Variants in GREM2 observed in about 807,000 individuals in gnomAD.
GREM2 encodes the protein gremlin-2.
GREM2 carries 11 observed loss-of-function variants against 14.2 expected under a neutral mutation model. That is an observed-to-expected ratio of 0.78 (90% CI 0.49 to 1.28). The LOEUF is 1.28. GREM2 is among the 50% of genes most tolerant of loss of function. The probability of loss-of-function intolerance (pLI) is 0.00; values close to 1 mark genes in which losing one functional copy is unlikely to be tolerated. For synonymous variants in GREM2, 98 were observed against 97.6 expected, an observed-to-expected ratio of 1.00 and a Z score of -0.02; for missense variants, 210 against 218.5, an observed-to-expected ratio of 0.96 and a Z score of 0.24.
At chr1:240,604,996 C>A (rs141737533) in intron 1 of GREM2, among the ~76,000 whole-genome samples, 7,249 of 152,270 alleles carry the variant, frequency 0.048, 509 homozygotes, top group African/African-American at 0.15. Flanking sequence ...CCTTTCTCAG[C>A]ATTCCACAAG....
intron 1 of GREM2, among the ~76,000 whole-genome samples, chr1:240,506,050 A>G (rs991841427): frequency 6.6e-6 from 1 of 152,198 alleles, no homozygotes; most frequent in Non-Finnish European, 1.5e-5. Flanking sequence ...TGTCAATTAA[A>G]AAGTGTGAGA....
chr1:240,548,128 AGCCAG>A (rs1678776479), intron 1 of GREM2, among the ~76,000 whole-genome samples: 1 of 149,724 alleles, frequency 6.7e-6, no homozygotes, highest in African/African-American at 2.5e-5. Flanking sequence ...AAAAAAAATT[AGCCAG>A]GCGTGGTGGT....
At chr1:240,562,717 GTGTGTGTGTA>G (rs1679068828) in intron 1 of GREM2, among the ~76,000 whole-genome samples, 1 of 151,892 alleles carries the variant, frequency 6.6e-6, no homozygotes, top group South Asian at 2.1e-4. Context: ...CCGTGTGTGT[GTGTGTGTGTA>G]TGTGTGTATA....
chr1:240,581,016 G>C (rs1359794815), intron 1 of GREM2, among the ~76,000 whole-genome samples: 1 of 152,186 alleles, frequency 6.6e-6, no homozygotes, highest in Non-Finnish European at 1.5e-5. Flanking sequence ...TTGGGAGGCT[G>C]AGGCGGGTAG....
intron 1 of GREM2, among the ~76,000 whole-genome samples, chr1:240,548,694 A>C (rs529301432): frequency 6.6e-6 from 1 of 152,310 alleles, no homozygotes; most frequent in East Asian, 1.9e-4. Flanking sequence ...AGATTTGGGA[A>C]AGGTGTTCTT....
At chr1:240,526,249 C>A (rs1164783957) in intron 1 of GREM2, among the ~76,000 whole-genome samples, 1 of 152,132 alleles carries the variant, frequency 6.6e-6, no homozygotes, top group African/African-American at 2.4e-5. Flanking sequence ...GATTCAGATA[C>A]CCAGGTGGTG....
At chr1:240,562,892 GTGTA>G (rs1377522220) in intron 1 of GREM2, among the ~76,000 whole-genome samples, 4 of 150,738 alleles carry the variant, frequency 2.7e-5, no homozygotes, top group South Asian at 2.1e-4. Context: ...GTGTATGAGT[GTGTA>G]TGTGTGTATG....
intron 1 of GREM2, among the ~76,000 whole-genome samples, chr1:240,538,181 A>T (rs1271021741): frequency 6.6e-6 from 1 of 152,196 alleles, no homozygotes; most frequent in Non-Finnish European, 1.5e-5. Flanking sequence ...CTATAAGCTA[A>T]CCTAAAACGT....
In GREM2 at chr1:240,543,770, T is replaced by C. The variant is rs910218431; in HGVS notation, c.-1-50294A>G. Among the ~76,000 whole-genome samples, 9 of 152,248 alleles carry C rather than the reference T, an allele frequency of 5.9e-5. No individual in the cohort carries two copies. The highest frequency in any genetic ancestry group is 2.2e-4 in the African/African-American group (9 of 41,474). The stretch of plus-strand genomic sequence containing the variant: ...TTTTATAGAAATTACTAAGTAATTA[T>C]ATTTCAAAAGGGATTGATATACAGG... On this transcript the variant is annotated intron_variant, in intron 1 of 1. Coordinates refer to ENST00000318160, the MANE Select transcript of GREM2 (RefSeq NM_022469.4). This position sits in a 1 kb window ranked among gnomAD's most constrained non-coding sequence, Gnocchi z 6.4.
In GREM2 at chr1:240,492,464, C is replaced by T. The variant is rs909290465; in HGVS notation, c.*505G>A. 8 of 193,466 alleles carry T rather than the reference C, an allele frequency of 4.1e-5. No homozygotes were observed. The highest frequency in any genetic ancestry group is 8.9e-5 in the Non-Finnish European group (8 of 89,400). 12.0% of individuals were successfully genotyped at this position (193,466 alleles called of 1,614,324 possible). A position where few individuals can be genotyped will look rare whatever the true frequency, so the allele number is the denominator to read the frequency against. On this transcript the variant is annotated 3_prime_UTR_variant, in exon 2 of 2. Transcript: ENST00000318160. ...TCCTCATCACAGCAGCGACCGAGGGCAGCCTGCCAGTCACAAGAATGAGCG... is the reference window on the plus strand; with the variant it reads ...TCCTCATCACAGCAGCGACCGAGGGTAGCCTGCCAGTCACAAGAATGAGCG...
Position 240,490,472 on chromosome 1 carries a change from T to C in GREM2, c.*2497A>G, listed in dbSNP as rs1444599012. The C allele has an allele frequency of 6.5e-6, 1 of 152,676 alleles. No individual in the cohort carries two copies. The highest frequency in any genetic ancestry group is 2.4e-5 in the African/African-American group (1 of 41,454). 9.5% of individuals were successfully genotyped at this position (152,676 alleles called of 1,614,324 possible). A position where few individuals can be genotyped will look rare whatever the true frequency, so the allele number is the denominator to read the frequency against. On this transcript the variant is annotated 3_prime_UTR_variant, in exon 2 of 2. Coordinates refer to ENST00000318160, the MANE Select transcript of GREM2 (RefSeq NM_022469.4). ...CAACAAGTCAAAAATTCCACTTTTA[T>C]GGCACGTCACACCGGGATCACATAT...
At chr1:240,599,950 T>C (rs976463198) in intron 1 of GREM2, among the ~76,000 whole-genome samples, 4 of 152,230 alleles carry the variant, frequency 2.6e-5, no homozygotes, top group Non-Finnish European at 5.9e-5. Flanking sequence ...GAAATCCTTC[T>C]ATTGCCCCCA....
chr1:240,508,509 A>G (rs1238443849), intron 1 of GREM2, among the ~76,000 whole-genome samples: 1 of 152,202 alleles, frequency 6.6e-6, no homozygotes, highest in Non-Finnish European at 1.5e-5. Context: ...TCCTAGGATC[A>G]GCCTAATTAT....
chr1:240,492,407 G>GT lies in GREM2; in HGVS notation c.*561dup, dbSNP rs1193127630. ...TATCAGGTTTATTAGGAGACGCCCC[G>GT]TCCACCGACATATTTATGGAGGTTG... On this transcript the variant is annotated 3_prime_UTR_variant, in exon 2 of 2. Transcript: ENST00000318160. 3.7e-6 allele frequency: 1 copy of GT among 271,566 alleles called. No homozygotes were observed. The highest frequency in any genetic ancestry group is 2.2e-5 in the African/African-American group (1 of 45,806). 16.8% of individuals were successfully genotyped at this position (271,566 alleles called of 1,614,324 possible). A position where few individuals can be genotyped will look rare whatever the true frequency, so the allele number is the denominator to read the frequency against.
Position 240,521,502 on chromosome 1 carries a change from C to T in GREM2, c.-1-28026G>A, listed in dbSNP as rs190855819. Among the ~76,000 whole-genome samples the T allele has an allele frequency of 2.8e-3, 429 of 151,822 alleles. 1 individual carries two copies. The highest frequency in any genetic ancestry group is 0.014 in the Middle Eastern group (4 of 292). ...AGGAGAATGGCGTGAACCCGGGAGG[C>T]GGAGCTTACAGTGAGCCGAGATGGC... On this transcript the variant is annotated intron_variant, in intron 1 of 1. Transcript: ENST00000318160.
intron 1 of GREM2, among the ~76,000 whole-genome samples, chr1:240,599,467 T>G (rs1679878623): frequency 6.6e-6 from 1 of 152,128 alleles, no homozygotes; most frequent in African/African-American, 2.4e-5. Context: ...GGGAGTGACT[T>G]TCCTCTGACA....
At chr1:240,562,454 C>T (rs542194676) in intron 1 of GREM2, among the ~76,000 whole-genome samples, 6 of 152,270 alleles carry the variant, frequency 3.9e-5, no homozygotes, top group South Asian at 2.1e-4. Context: ...TCAGCGGTTA[C>T]GATTCTTACA....
At chr1:240,566,224 C>T (rs1679175608) in intron 1 of GREM2, among the ~76,000 whole-genome samples, 1 of 151,992 alleles carries the variant, frequency 6.6e-6, no homozygotes, top group South Asian at 2.1e-4. Context: ...TGTTTCTGGC[C>T]AAAGTGGAGT....
chr1:240,494,918 TA>T (rs978677163), intron 1 of GREM2, among the ~76,000 whole-genome samples: 1 of 151,940 alleles, frequency 6.6e-6, no homozygotes, highest in East Asian at 1.9e-4. Context: ...AAAATAAGAA[TA>T]AAAAAATAGA....
Sources: allele counts gnomAD v4.1 joint callset (sites outside exome capture counted in the v4.1 genomes callset), GRCh38; gene constraint gnomAD v4.1.1; non-coding constraint Gnocchi (gnomAD v3.1); transcripts MANE v1.5; gene names NCBI Gene and HGNC (gene_info 2026-07-23, HGNC 2026-07-21).